Variants in SLC36A1 observed in about 807,000 individuals in gnomAD.
SLC36A1 encodes proton-coupled amino acid transporter 1.
Under a neutral mutation model 47.5 loss-of-function variants are expected in SLC36A1, and 30 were observed. That is an observed-to-expected ratio of 0.63 (90% CI 0.47 to 0.86). The LOEUF (loss-of-function observed/expected upper bound fraction) is 0.86, where lower values mean the gene tolerates loss of function less well. Ranked by LOEUF, SLC36A1 falls within the 40% of genes least tolerant of loss-of-function variation. SLC36A1 has a pLI of 0.00. For missense variants in SLC36A1, 517 were observed against 606.0 expected (o/e 0.85, Z 1.54); for synonymous variants, 255 against 249.7 (o/e 1.02, Z -0.20).
the SLC36A1 span, chr5:151,521,312 G>T: frequency 1.2e-6 from 2 of 1,612,960 alleles, no homozygotes; most frequent in Non-Finnish European, 1.7e-6. Flanking sequence ...TGGTGCCGCG[G>T]GGTTAGGATG....
At chr5:151,500,652 G>A in the SLC36A1 span, among the ~76,000 whole-genome samples, 1 of 152,224 alleles carries the variant, frequency 6.6e-6, no homozygotes, top group Non-Finnish European at 1.5e-5. Context: ...ACAGGTGGGA[G>A]CCACTGTGCC....
chr5:151,469,291 C>A, intron 7 of SLC36A1: 1 of 691,508 alleles, frequency 1.4e-6, no homozygotes, highest in South Asian at 1.5e-5. Flanking sequence ...TTGAGAAATA[C>A]ATTGAAATAT....
At chr5:151,507,339 C>T in the SLC36A1 span, 1 of 1,614,176 alleles carries the variant, frequency 6.2e-7, no homozygotes, top group East Asian at 2.2e-5. Flanking sequence ...GAGGTTGTTG[C>T]AGGAGCTGGC....
intron 3 of SLC36A1, 132 bp downstream of exon 3, chr5:151,463,775 G>A (rs1056662015): frequency 2.1e-4 from 146 of 709,506 alleles, no homozygotes; most frequent in Admixed American, 9.5e-5. Context: ...GACAAAAAGC[G>A]GAATTCAGAC....
the SLC36A1 span, chr5:151,510,967 T>C: frequency 6.6e-6 from 1 of 152,410 alleles, no homozygotes; most frequent in South Asian, 2.1e-4. Context: ...CATGCAGGGA[T>C]TGGGACTCTA....
At chr5:151,453,498 G>C (rs917484534) in intron 1 of SLC36A1, among the ~76,000 whole-genome samples, 1 of 151,550 alleles carries the variant, frequency 6.6e-6, no homozygotes, top group Non-Finnish European at 1.5e-5. Context: ...TGTACTGGAT[G>C]GTACAACTTC....
chr5:151,456,077 C>T (rs1754456954), intron 1 of SLC36A1, among the ~76,000 whole-genome samples: 1 of 152,278 alleles, frequency 6.6e-6, no homozygotes, highest in East Asian at 1.9e-4. Context: ...AAAGGGATTC[C>T]TCAGATAAAA....
the SLC36A1 span, among the ~76,000 whole-genome samples, chr5:151,501,260 C>T: frequency 5.8e-4 from 89 of 152,228 alleles, no homozygotes; most frequent in African/African-American, 2.0e-3. Flanking sequence ...AATTAGTGTG[C>T]GACAGAGCTG....
chr5:151,352,384 A>G, the SLC36A1 span, among the ~76,000 whole-genome samples: 2 of 152,182 alleles, frequency 1.3e-5, no homozygotes, highest in African/African-American at 4.8e-5. Flanking sequence ...TAGGCTCTCA[A>G]AAAATATTCA....
At chr5:151,520,232 C>T in the SLC36A1 span, among the ~76,000 whole-genome samples, 1 of 152,256 alleles carries the variant, frequency 6.6e-6, no homozygotes, top group Non-Finnish European at 1.5e-5. Context: ...AGCTGAAGGT[C>T]ATGTCACTTT....
chr5:151,456,605 G>A (rs778601527), intron 1 of SLC36A1, among the ~76,000 whole-genome samples: 52 of 151,998 alleles, frequency 3.4e-4, no homozygotes, highest in Non-Finnish European at 6.2e-4. Flanking sequence ...GCTGGTTGGC[G>A]TCCTTGAATT....
chr5:151,428,890 C>T, the SLC36A1 span, among the ~76,000 whole-genome samples: 1 of 152,244 alleles, frequency 6.6e-6, no homozygotes, highest in Non-Finnish European at 1.5e-5. Flanking sequence ...ACCTTGGCCT[C>T]CCAAAGTCCT....
the SLC36A1 span, chr5:151,554,333 C>G: frequency 2.5e-6 from 4 of 1,590,448 alleles, no homozygotes; most frequent in Non-Finnish European, 3.4e-6. Flanking sequence ...TGCCACTCCT[C>G]CCTCCGTGGC....
the SLC36A1 span, chr5:151,378,159 G>T: frequency 3.3e-6 from 1 of 300,410 alleles, no homozygotes; most frequent in Admixed American, 4.2e-5. Context: ...GAAAGAGCAG[G>T]ACAATCATTC....
chr5:151,390,927 T>G, the SLC36A1 span, among the ~76,000 whole-genome samples: 3 of 152,228 alleles, frequency 2.0e-5, no homozygotes, highest in Non-Finnish European at 2.9e-5. Flanking sequence ...AAAGTCGTTT[T>G]TTTCCAATTC....
At chr5:151,550,712 G>A in the SLC36A1 span, 1 of 1,614,180 alleles carries the variant, frequency 6.2e-7, no homozygotes, top group Non-Finnish European at 8.5e-7. Flanking sequence ...TGGCTGCCAT[G>A]TATGGTATAG....
At chr5:151,514,086 A>T in the SLC36A1 span, among the ~76,000 whole-genome samples, 3 of 152,190 alleles carry the variant, frequency 2.0e-5, no homozygotes, top group African/African-American at 7.2e-5. Context: ...GATCTAACCC[A>T]GTGTTTCTTA....
the SLC36A1 span, among the ~76,000 whole-genome samples, chr5:151,374,160 C>T: frequency 6.6e-6 from 1 of 152,140 alleles, no homozygotes; most frequent in African/African-American, 2.4e-5. Context: ...GACACCTACC[C>T]TGGCCAGAAG....
chr5:151,431,555 A>G, the SLC36A1 span, among the ~76,000 whole-genome samples: 1 of 152,196 alleles, frequency 6.6e-6, no homozygotes, highest in South Asian at 2.1e-4. Context: ...CATGTGTTGT[A>G]GGAGGGACCC....
Sources: gnomAD v4.1 joint callset for allele counts (sites outside exome capture counted in the v4.1 genomes callset) on GRCh38, gnomAD v4.1.1 for gene constraint, MANE v1.5 for transcripts, NCBI Gene and HGNC (gene_info 2026-07-23, HGNC 2026-07-21) for gene names.